Variants in SLF2 observed in about 807,000 individuals in gnomAD.
The protein encoded by SLF2 is SMC5-SMC6 complex localization factor protein 2.
SLF2 carries 68 observed loss-of-function variants against 124.3 expected under a neutral mutation model. That is an observed-to-expected ratio of 0.55 (90% CI 0.45 to 0.67). The LOEUF is 0.67. Among genes scored for constraint, SLF2 ranks in the 30% least tolerant of loss-of-function variants. The pLI is 0.00. For synonymous variants in SLF2, 480 were observed against 478.8 expected (o/e 1.00, Z -0.03); for missense variants, 1,246 against 1,373.7 (o/e 0.91, Z 1.47).
chr10:100,916,220 CTT>C (rs1014988601), intron 2 of SLF2, among the ~76,000 whole-genome samples, 178 bp downstream of exon 2: 2 of 152,190 alleles, frequency 1.3e-5, no homozygotes, highest in African/African-American at 4.8e-5. Flanking sequence ...ATATGAAAGT[CTT>C]TTTGCTGTTA....
At position 100,962,045 on chromosome 10, in the gene SLF2, A is replaced by T. The variant is rs1404868637; in HGVS notation, c.*133A>T. On this transcript the variant is annotated 3_prime_UTR_variant, in exon 20 of 20. Transcript: ENST00000238961. ...CAGCAAATGTGCCACTTGAATATCT[A>T]GTATGAAGCTGGTAATGAAGAAATT... The T allele has an allele frequency of 5.3e-6, 4 of 761,378 alleles. No homozygotes were observed. In the East Asian group the frequency reaches 7.9e-5, roughly 15 times the overall value. 47.2% of individuals were successfully genotyped at this position (761,378 alleles called of 1,614,324 possible).
At chr10:100,959,523 T>C in intron 19 of SLF2, 27 bp downstream of exon 19, 1 of 1,612,260 alleles carries the variant, frequency 6.2e-7, no homozygotes, top group Middle Eastern at 1.7e-4. Context: ...CAATTTCATG[T>C]ATTCTTAATA....
At chr10:100,960,042 A>G (rs1850400720) in intron 19 of SLF2, among the ~76,000 whole-genome samples, 1 of 152,200 alleles carries the variant, frequency 6.6e-6, no homozygotes. Flanking sequence ...TAAATGAGAT[A>G]TACTATGTAA....
At chr10:100,946,867 A>C (rs1850114646) in intron 13 of SLF2, among the ~76,000 whole-genome samples, 172 bp from the exon 14 acceptor site, 1 of 152,198 alleles carries the variant, frequency 6.6e-6, no homozygotes. Flanking sequence ...GTAAAACTGA[A>C]TCTGTGTATT....
At chr10:100,925,903 T>TA in intron 5 of SLF2, 46 bp from the exon 6 acceptor site, 1 of 1,512,440 alleles carries the variant, frequency 6.6e-7, no homozygotes, top group Non-Finnish European at 8.9e-7. Context: ...TCCCAGTTCT[T>TA]CTACTAAGAC....
At chr10:100,933,579 G>A (rs1849786915) in intron 9 of SLF2, among the ~76,000 whole-genome samples, 1 of 151,946 alleles carries the variant, frequency 6.6e-6, no homozygotes, top group Non-Finnish European at 1.5e-5. Context: ...CCAGAAAAAG[G>A]TTAGTACTTT....
At chr10:100,960,417 A>AT (rs1223329559) in intron 19 of SLF2, among the ~76,000 whole-genome samples, 1 of 152,230 alleles carries the variant, frequency 6.6e-6, no homozygotes, top group Non-Finnish European at 1.5e-5. Context: ...ATTTCTCCAT[A>AT]TTCTCACCAA....
Position 100,956,366 on chromosome 10 carries a change from G to T in SLF2, c.3331-85G>T. 3 of 936,648 alleles carry T rather than the reference G, an allele frequency of 3.2e-6. No individual in the cohort carries two copies. The South Asian group carries it at 4.8e-5, about 15-fold the overall frequency. 58.0% of individuals were successfully genotyped at this position (936,648 alleles called of 1,614,324 possible). ...TAACAGGAATAATAGATTTTTAAAT[G>T]ATTTAGTTGTTCTAGCTGCATAATT... On this transcript the variant is annotated intron_variant, in intron 17 of 19. Coordinates refer to ENST00000238961, the MANE Select transcript of SLF2 (RefSeq NM_018121.4).
chr10:100,961,853 CT>C (rs781698624), intron 19 of SLF2, 23 bp from the exon 20 acceptor site: 2 of 1,604,772 alleles, frequency 1.2e-6, no homozygotes, highest in Non-Finnish European at 1.7e-6. Flanking sequence ...GCTTTACCCT[CT>C]TTTTTCTCCT....
intron 13 of SLF2, 56 bp downstream of exon 13, chr10:100,945,562 CATA>C: frequency 2.3e-6 from 3 of 1,320,576 alleles, no homozygotes; most frequent in Non-Finnish European, 3.0e-6. Flanking sequence ...CAATTTGACT[CATA>C]GTGCATATGG....
intron 15 of SLF2, among the ~76,000 whole-genome samples, chr10:100,948,899 A>G (rs753741478): frequency 5.9e-5 from 9 of 152,180 alleles, no homozygotes; most frequent in African/African-American, 2.2e-4. Context: ...AAAAAGCCCC[A>G]TAGAACCTGA....
At chr10:100,950,281 A>C in intron 16 of SLF2, 74 bp downstream of exon 16, 1 of 1,451,112 alleles carries the variant, frequency 6.9e-7, no homozygotes, top group Non-Finnish European at 9.2e-7. Flanking sequence ...ATAGACTGAT[A>C]TGTAGGCATT....
At chr10:100,950,598 AT>A in intron 16 of SLF2, 77 bp from the exon 17 acceptor site, 1 of 1,279,038 alleles carries the variant, frequency 7.8e-7, no homozygotes, top group Non-Finnish European at 1.1e-6. Flanking sequence ...TTCCTGGGCA[AT>A]TTTCCTAATG....
At chr10:100,928,372 G>T (rs1003537029) in intron 6 of SLF2, among the ~76,000 whole-genome samples, 7 of 152,192 alleles carry the variant, frequency 4.6e-5, no homozygotes, top group African/African-American at 1.7e-4. Flanking sequence ...AATTTAATTA[G>T]AGAACTTGTC....
rs1465150777 is a variant in SLF2, at chr10:100,916,716, A to G, written c.331A>G (p.Ile111Val). Residue 111 changes from isoleucine to valine, a missense_variant, in exon 3 of 20, where the codon ATT becomes GTT. Ile to Val is a conservative substitution (Grantham distance 29, BLOSUM62 3). This residue lies in a region of SLF2 where 698 missense variants were observed against 708.9 expected (regional missense o/e 0.98). Coordinates refer to ENST00000238961, the MANE Select transcript of SLF2 (RefSeq NM_018121.4). ...PKRVPPEKSP[I>V]IEAFMKGVKE... The stretch of plus-strand genomic sequence containing the variant: ...AAGGGTGCCACCAGAAAAGAGCCCT[A>G]TTATAGAAGCTTTCATGAAAGGTGT... The G allele has an allele frequency of 2.6e-6, 4 of 1,566,248 alleles. No homozygotes were observed. The highest frequency in any genetic ancestry group is 3.4e-6 in the Non-Finnish European group (4 of 1,162,726).
At chr10:100,953,212 G>A (rs1850254497) in intron 17 of SLF2, among the ~76,000 whole-genome samples, 1 of 151,444 alleles carries the variant, frequency 6.6e-6, no homozygotes, top group African/African-American at 2.4e-5. Flanking sequence ...AGTAGAGATG[G>A]GGTTTCACCA....
chr10:100,956,583 GT>G, intron 18 of SLF2, 46 bp downstream of exon 18: 1 of 1,397,630 alleles, frequency 7.2e-7, no homozygotes, highest in Non-Finnish European at 9.9e-7. Context: ...CTTAATCTTG[GT>G]TACGTTAATA....
chr10:100,913,473 C>T (rs1849360342), intron 1 of SLF2: 2 of 1,287,402 alleles, frequency 1.6e-6, no homozygotes, highest in Non-Finnish European at 2.0e-6. Context: ...TGACCACCAG[C>T]CTGGACAGCT....
chr10:100,927,837 A>G (rs1434022866), intron 6 of SLF2, among the ~76,000 whole-genome samples: 2 of 152,034 alleles, frequency 1.3e-5, no homozygotes, highest in African/African-American at 2.4e-5. Context: ...GCCTTCCCTA[A>G]TGACTAATGA....
Sources: allele counts gnomAD v4.1 joint callset (sites outside exome capture counted in the v4.1 genomes callset), GRCh38; gene constraint gnomAD v4.1.1; regional missense constraint gnomAD v4.1.1; transcripts MANE v1.5; gene names NCBI Gene and HGNC (gene_info 2026-07-23, HGNC 2026-07-21).